Variants in SYNJ2 observed in about 807,000 individuals in gnomAD.
The protein encoded by SYNJ2 is polyphosphatidylinositol phosphatase SYNJ2.
In SYNJ2, 116 loss-of-function variants were observed where a neutral mutation model predicts 141.3. The observed-to-expected ratio is 0.82, with a 90% CI of 0.71 to 0.96. The LOEUF (loss-of-function observed/expected upper bound fraction) is 0.96. SYNJ2 is among the 40% of genes least tolerant of loss of function. SYNJ2 has a pLI of 0.00. For missense variants in SYNJ2, 1,873 were observed against 1,934.8 expected (o/e 0.97, Z 0.60); for synonymous variants, 745 against 777.7 (o/e 0.96, Z 0.70).
At chr6:158,056,176 A>G (rs1410182394) in intron 6 of SYNJ2, among the ~76,000 whole-genome samples, 1 of 152,220 alleles carries the variant, frequency 6.6e-6, no homozygotes, top group Non-Finnish European at 1.5e-5. Context: ...GAACCCTCCT[A>G]TGTTTAGGAG....
intron 1 of SYNJ2, among the ~76,000 whole-genome samples, chr6:157,990,729 G>C (rs1283451547): frequency 6.6e-6 from 1 of 152,240 alleles, no homozygotes; most frequent in African/African-American, 2.4e-5. Flanking sequence ...CTGCCTGTCT[G>C]TGAATGCTAA....
At chr6:158,090,002 C>A in intron 25 of SYNJ2, 55 bp downstream of exon 25, 2 of 1,296,292 alleles carry the variant, frequency 1.5e-6, no homozygotes, top group Non-Finnish European at 2.2e-6. Flanking sequence ...CTTTTTATCT[C>A]CCTGCTAAAA....
intron 3 of SYNJ2, among the ~76,000 whole-genome samples, chr6:158,033,024 TATTG>T (rs1417259375): frequency 6.6e-6 from 1 of 152,260 alleles, no homozygotes; most frequent in Non-Finnish European, 1.5e-5. Context: ...TTTAATCACT[TATTG>T]ATCATGATTG....
chr6:158,053,987 C>T (rs1029241501), intron 5 of SYNJ2, among the ~76,000 whole-genome samples: 4 of 149,614 alleles, frequency 2.7e-5, no homozygotes, highest in African/African-American at 9.9e-5. Context: ...CATCCATCCC[C>T]ATTCACCCAT....
chr6:158,066,848 G>A (rs1164768806), intron 12 of SYNJ2, among the ~76,000 whole-genome samples: 1 of 152,218 alleles, frequency 6.6e-6, no homozygotes, highest in Non-Finnish European at 1.5e-5. Context: ...AGAGTTAGCA[G>A]ATGGTGAATC....
intron 4 of SYNJ2, among the ~76,000 whole-genome samples, chr6:158,042,215 C>T (rs1474275477): frequency 6.6e-6 from 1 of 152,230 alleles, no homozygotes; most frequent in Non-Finnish European, 1.5e-5. Context: ...TGCTGGTACT[C>T]AATACCTGGA....
chr6:158,050,855 G>T (rs1224448493), intron 5 of SYNJ2, among the ~76,000 whole-genome samples: 1 of 152,018 alleles, frequency 6.6e-6, no homozygotes, highest in Non-Finnish European at 1.5e-5. Flanking sequence ...TCTTTCCATG[G>T]GGGTTCTGGT....
intron 4 of SYNJ2, among the ~76,000 whole-genome samples, chr6:158,036,451 T>G (rs889569576): frequency 3.9e-5 from 6 of 152,176 alleles, no homozygotes; most frequent in African/African-American, 1.4e-4. Context: ...AGGAATGAGA[T>G]CGTGTCCTTT....
At chr6:158,051,866 G>A (rs1780586429) in intron 5 of SYNJ2, among the ~76,000 whole-genome samples, 1 of 151,902 alleles carries the variant, frequency 6.6e-6, no homozygotes, top group African/African-American at 2.4e-5. Flanking sequence ...TGAGGTGGGA[G>A]GATCATTTGA....
intron 5 of SYNJ2, 117 bp from the exon 6 acceptor site, chr6:158,054,850 G>T: frequency 1.0e-6 from 1 of 964,820 alleles, no homozygotes; most frequent in Non-Finnish European, 1.6e-6. Flanking sequence ...CCACAGAGGT[G>T]GCCTAGTGGG....
chr6:158,065,620 C>T (rs1287451015), intron 11 of SYNJ2, among the ~76,000 whole-genome samples: 1 of 152,194 alleles, frequency 6.6e-6, no homozygotes, highest in East Asian at 1.9e-4. Flanking sequence ...GTACAAGTGT[C>T]GCTTTAGAAA....
chr6:158,036,098 G>A (rs34778552), intron 4 of SYNJ2, among the ~76,000 whole-genome samples: 1,688 of 152,144 alleles, frequency 0.011, 11 homozygotes, highest in Non-Finnish European at 0.017. Flanking sequence ...GAGAATCAAA[G>A]CCACAATGAG....
intron 25 of SYNJ2, among the ~76,000 whole-genome samples, chr6:158,090,424 T>A (rs1211172828): frequency 6.6e-6 from 1 of 152,200 alleles, no homozygotes; most frequent in Non-Finnish European, 1.5e-5. Context: ...TTAGTTACCT[T>A]GGGCTCTCCC....
intron 1 of SYNJ2, among the ~76,000 whole-genome samples, chr6:157,997,952 G>A (rs1042429965): frequency 6.6e-6 from 1 of 152,222 alleles, no homozygotes; most frequent in Non-Finnish European, 1.5e-5. Flanking sequence ...GACTTCAGTC[G>A]GTCAGAGAAA....
chr6:158,008,733 C>G (rs1778159853), intron 1 of SYNJ2, among the ~76,000 whole-genome samples: 1 of 152,252 alleles, frequency 6.6e-6, no homozygotes, highest in Non-Finnish European at 1.5e-5. Flanking sequence ...CTCTTCAGCT[C>G]TTCCATTGCT....
intron 3 of SYNJ2, among the ~76,000 whole-genome samples, chr6:158,029,625 G>A (rs868740570): frequency 6.6e-6 from 1 of 151,968 alleles, no homozygotes; most frequent in Non-Finnish European, 1.5e-5. Flanking sequence ...AAGAGCCGAC[G>A]TCTGCTGAGT....
intron 11 of SYNJ2, 133 bp from the exon 12 acceptor site, chr6:158,066,311 A>T: frequency 6.0e-6 from 6 of 999,628 alleles, no homozygotes; most frequent in Non-Finnish European, 8.8e-6. Context: ...TCGTCTTCGT[A>T]AGGAGCATAC....
Position 158,062,154 on chromosome 6 carries a change from G to C in SYNJ2, c.1117G>C (p.Val373Leu). The C allele has an allele frequency of 6.2e-7, 1 of 1,613,422 alleles. No homozygotes were observed. The highest frequency in any genetic ancestry group is 8.5e-7 in the Non-Finnish European group (1 of 1,179,776). ...DFDVFTKGEN[V>L]SPRFQKGTLR... ...CGATGTGTTCACAAAGGGGGAGAAC[G>C]TCAGTCCACGGTGAGGCTCGCTGCG... The change falls in exon 8 of 27, where the codon GTC (valine) becomes CTC (leucine). Residue 373 changes from valine (V) to leucine (L), a missense_variant. Transcript: ENST00000355585.
chr6:158,080,347 C>T (rs908006773), intron 18 of SYNJ2, among the ~76,000 whole-genome samples: 3 of 151,932 alleles, frequency 2.0e-5, no homozygotes, highest in Non-Finnish European at 4.4e-5. Context: ...TGGTGGCATG[C>T]GCCTGTAATC....
Sources: allele counts gnomAD v4.1 joint callset (sites outside exome capture counted in the v4.1 genomes callset), GRCh38; gene constraint gnomAD v4.1.1; transcripts MANE v1.5; gene names NCBI Gene and HGNC (gene_info 2026-07-23, HGNC 2026-07-21).